The following KLF8 variants were observed in gnomAD, a reference collection of about 807,000 sequenced individuals.
KLF8 encodes the protein Krueppel-like factor 8.
KLF8 carries 10 observed loss-of-function variants against 18.2 expected under a neutral mutation model. The observed-to-expected ratio is 0.55, with a 90% CI of 0.34 to 0.93. The LOEUF is 0.93. KLF8 is among the 40% of genes least tolerant of loss of function. KLF8 has a pLI of 0.02. For missense variants in KLF8, 264 were observed against 277.9 expected (o/e 0.95, Z 0.36); for synonymous variants, 109 against 97.3 (o/e 1.12, Z -0.71).
chrX:56,113,554 G>GTTTTT, the KLF8 span, among the ~76,000 whole-genome samples: 2,436 of 34,524 alleles, frequency 0.071, 269 homozygotes, highest in African/African-American at 0.19. Context: ...GGCAGGGATA[G>GTTTTT]TTTTTTTTTT....
chrX:56,027,266 A>C, the KLF8 span, among the ~76,000 whole-genome samples: 1 of 111,822 alleles, frequency 8.9e-6, no homozygotes, highest in African/African-American at 3.2e-5. Flanking sequence ...CCCAGTAGGG[A>C]GTAGATGCTG....
chrX:56,057,698 G>A, the KLF8 span, among the ~76,000 whole-genome samples: 1 of 111,415 alleles, frequency 9.0e-6, no homozygotes, highest in African/African-American at 3.3e-5. Context: ...CCAGCCCCAT[G>A]TGGTGGACAA....
the KLF8 span, among the ~76,000 whole-genome samples, chrX:56,182,140 G>A: frequency 9.0e-6 from 1 of 111,423 alleles, no homozygotes; most frequent in South Asian, 3.8e-4. Context: ...TCCTATATTT[G>A]TTGGAGGCTT....
the KLF8 span, among the ~76,000 whole-genome samples, chrX:55,916,676 C>T: frequency 9.0e-6 from 1 of 111,649 alleles, no homozygotes; most frequent in Non-Finnish European, 1.9e-5. Flanking sequence ...GCAAGAGTTG[C>T]ATTTATAAAT....
At chrX:56,253,100 T>C (rs2066735962) in intron 2 of KLF8, among the ~76,000 whole-genome samples, 1 of 112,570 alleles carries the variant, frequency 8.9e-6, no homozygotes. Context: ...CATTATATAT[T>C]CTGGTGATTA....
chrX:55,976,929 T>C, the KLF8 span, among the ~76,000 whole-genome samples: 3 of 112,241 alleles, frequency 2.7e-5, no homozygotes, highest in African/African-American at 9.7e-5. Flanking sequence ...AATTTGTTCT[T>C]AGTGTACCAA....
chrX:56,082,119 C>A, the KLF8 span, among the ~76,000 whole-genome samples: 111 of 111,653 alleles, frequency 9.9e-4, no homozygotes, highest in African/African-American at 3.5e-3. Flanking sequence ...ATTACTAATT[C>A]AAGCTCCTTA....
At chrX:56,228,177 G>T (rs1476825932), upstream of KLF8, among the ~76,000 whole-genome samples, 6 of 112,383 alleles carry the variant, frequency 5.3e-5, no homozygotes, top group Admixed American at 1.9e-4. Context: ...GAACACAGGA[G>T]CATGTTCTCA....
At chrX:56,254,957 C>T (rs1451712497) in intron 2 of KLF8, among the ~76,000 whole-genome samples, 1 of 112,038 alleles carries the variant, frequency 8.9e-6, no homozygotes, top group African/African-American at 3.2e-5. Flanking sequence ...GTGGGGCCCT[C>T]ACCAGGGACC....
At chrX:56,048,671 C>G in the KLF8 span, among the ~76,000 whole-genome samples, 3 of 111,685 alleles carry the variant, frequency 2.7e-5, no homozygotes, top group South Asian at 3.8e-4. Flanking sequence ...GTTACTGTAG[C>G]CTTGTAGTAT....
At chrX:56,105,559 T>C in the KLF8 span, among the ~76,000 whole-genome samples, 1 of 109,328 alleles carries the variant, frequency 9.1e-6, no homozygotes, top group Non-Finnish European at 1.9e-5. Context: ...TTCCATTTGC[T>C]TGGTAGATCT....
At chrX:56,281,290 T>A (rs868293390) in intron 5 of KLF8, among the ~76,000 whole-genome samples, 1 of 112,170 alleles carries the variant, frequency 8.9e-6, no homozygotes, top group African/African-American at 3.2e-5. Context: ...CTGCACTGCC[T>A]TGCCAAGACC....
At chrX:56,164,258 G>A in the KLF8 span, among the ~76,000 whole-genome samples, 1 of 92,405 alleles carries the variant, frequency 1.1e-5, no homozygotes, top group African/African-American at 4.0e-5. Context: ...AATGCAGAAA[G>A]CATGATAGTA....
chrX:56,082,481 C>T, the KLF8 span, among the ~76,000 whole-genome samples: 1 of 106,032 alleles, frequency 9.4e-6, no homozygotes. Context: ...TTTATTGTTT[C>T]TTTGCTTCTG....
chrX:55,977,724 A>G, the KLF8 span, among the ~76,000 whole-genome samples: 1 of 111,619 alleles, frequency 9.0e-6, no homozygotes, highest in Admixed American at 9.6e-5. Flanking sequence ...AGCCATTGGA[A>G]GGTATAAAGA....
the KLF8 span, among the ~76,000 whole-genome samples, chrX:56,205,834 CTTA>C: frequency 1.8e-5 from 2 of 111,674 alleles, no homozygotes; most frequent in Non-Finnish European, 3.8e-5. Flanking sequence ...CATCTCATGA[CTTA>C]TTATTCATCT....
the KLF8 span, among the ~76,000 whole-genome samples, chrX:56,099,550 G>A: frequency 8.9e-6 from 1 of 112,125 alleles, no homozygotes; most frequent in African/African-American, 3.2e-5. Context: ...AAGATAGACT[G>A]AAAGCTAGGC....
At chrX:56,234,707 T>G (rs2066452334) in intron 1 of KLF8, among the ~76,000 whole-genome samples, 1 of 112,326 alleles carries the variant, frequency 8.9e-6, no homozygotes, top group Non-Finnish European at 1.9e-5. Context: ...CAGAATGATA[T>G]AACCAACAGG....
At chrX:55,932,199 T>G in the KLF8 span, among the ~76,000 whole-genome samples, 2 of 110,794 alleles carry the variant, frequency 1.8e-5, no homozygotes, top group Non-Finnish European at 3.8e-5. Flanking sequence ...CCCCTGCTTT[T>G]TTTTTTCTTT....
Sources: gnomAD v4.1 joint callset for allele counts (sites outside exome capture counted in the v4.1 genomes callset) on GRCh38, gnomAD v4.1.1 for gene constraint, MANE v1.5 for transcripts, NCBI Gene and HGNC (gene_info 2026-07-23, HGNC 2026-07-21) for gene names.